The following DDX10 variants were observed in gnomAD, a reference collection of about 807,000 sequenced individuals.
The protein encoded by DDX10 is probable ATP-dependent RNA helicase DDX10.
A neutral mutation model predicts 104.3 loss-of-function variants in DDX10; 74 were observed. The ratio of observed to expected loss-of-function variants is 0.71; its 90% CI spans 0.59 to 0.86. The LOEUF is 0.86. Ranked by LOEUF, DDX10 falls within the 40% of genes least tolerant of loss-of-function variation. The pLI, the probability that DDX10 is intolerant of heterozygous loss-of-function variation, is 0.00. For missense variants in DDX10, 952 were observed against 1,040.0 expected (o/e 0.92, Z 1.16); for synonymous variants, 351 against 353.4 (o/e 0.99, Z 0.08).
intron 13 of DDX10, chr11:108,729,834 G>T (rs548880962): frequency 1.2e-4 from 19 of 152,258 alleles, no homozygotes; most frequent in African/African-American, 3.6e-4. Context: ...GTACACCAGA[G>T]AGGAGATTTG....
Position 108,852,194 on chromosome 11 carries a change from CAA to C in DDX10, c.2290_2291del (p.Lys764GlufsTer8). On this transcript the variant is annotated frameshift_variant, in exon 16 of 18. Transcript: ENST00000322536. LOFTEE classifies it high-confidence loss of function. ...AAAGGGAAGCCAGAAGAGAAGCCAA[CAA>C]GAGACAAGCAAAGGTAAGGGTTTAT... Reference protein sequence around the residue: ...KEREARREANKRQAKAKDEEE... With the variant: ...KEREARREANXRQAKAKDEEE... 6.2e-7 allele frequency: 1 copy of C among 1,611,138 alleles called. No individual in the cohort carries two copies. Among genetic ancestry groups the C allele is most frequent in the Non-Finnish European group, 8.5e-7 (1 of 1,178,222 alleles).
At chr11:108,928,944 A>G (rs907100197) in intron 17 of DDX10, among the ~76,000 whole-genome samples, 1 of 152,220 alleles carries the variant, frequency 6.6e-6, no homozygotes, top group African/African-American at 2.4e-5. Context: ...TATATTCAAA[A>G]CAGTTTGCAA....
intron 10 of DDX10, among the ~76,000 whole-genome samples, chr11:108,714,528 CTTTTTT>C (rs11355789): frequency 7.0e-6 from 1 of 142,186 alleles, no homozygotes; most frequent in South Asian, 2.2e-4. Flanking sequence ...AAGTCTGACT[CTTTTTT>C]TTTTTTTTTT....
intron 6 of DDX10, among the ~76,000 whole-genome samples, chr11:108,685,180 C>T (rs540895866): frequency 5.9e-5 from 9 of 151,792 alleles, no homozygotes; most frequent in South Asian, 4.2e-4. Context: ...TAGCAATCAG[C>T]GCGATTCCGT....
chr11:108,747,998 A>G (rs1291101605), intron 13 of DDX10, among the ~76,000 whole-genome samples: 2 of 152,192 alleles, frequency 1.3e-5, no homozygotes, highest in East Asian at 1.9e-4. Context: ...AAAATAAGCT[A>G]ATAGACTGAT....
chr11:108,749,504 G>T (rs2094335893), intron 13 of DDX10, among the ~76,000 whole-genome samples: 1 of 152,116 alleles, frequency 6.6e-6, no homozygotes. Context: ...TACACTTAAA[G>T]AAATCATATA....
intron 15 of DDX10, among the ~76,000 whole-genome samples, chr11:108,846,668 A>G (rs1235631585): frequency 6.6e-6 from 1 of 152,170 alleles, no homozygotes; most frequent in African/African-American, 2.4e-5. Context: ...TATTTAATCC[A>G]TTGTTTGTTG....
intron 7 of DDX10, chr11:108,690,251 ATTTAAAGTTCTG>A (rs2094250346): frequency 6.6e-6 from 1 of 152,340 alleles, no homozygotes; most frequent in Non-Finnish European, 1.5e-5. Context: ...TGAAAGTTCT[ATTTAAAGTTCTG>A]TTTAAAGTTT....
intron 15 of DDX10, among the ~76,000 whole-genome samples, chr11:108,845,720 T>C (rs1862707600): frequency 6.6e-6 from 1 of 152,226 alleles, no homozygotes; most frequent in Non-Finnish European, 1.5e-5. Context: ...TTTCTTTTAA[T>C]GTATATTAAT....
chr11:108,797,286 C>T (rs1447150393), intron 13 of DDX10, among the ~76,000 whole-genome samples: 1 of 152,152 alleles, frequency 6.6e-6, no homozygotes, highest in African/African-American at 2.4e-5. Context: ...TCTGCCTCGG[C>T]CTCCCAAAGT....
At chr11:108,692,190 CTAACAT>C (rs1221040060) in intron 8 of DDX10, 152 bp downstream of exon 8, 52 of 660,548 alleles carry the variant, frequency 7.9e-5, no homozygotes, top group Non-Finnish European at 1.2e-4. Context: ...TAGCAGTTGA[CTAACAT>C]TAAGGATGTA....
At position 108,691,904 on chromosome 11, in the gene DDX10, G is replaced by A. The variant is rs776492184; in HGVS notation, c.1004G>A (p.Arg335Gln). The A allele has an allele frequency of 1.2e-6, 2 of 1,613,874 alleles. No individual in the cohort carries two copies. The highest frequency in any genetic ancestry group is 1.7e-6 in the Non-Finnish European group (2 of 1,179,928). ...EVQYLYRVFC[R>Q]LRPGVSILAL... The stretch of plus-strand genomic sequence containing the variant: ...CAGTATCTGTACCGAGTGTTTTGCC[G>A]GCTACGTCCTGGTGTTTCTATCCTT... Residue 335 changes from arginine (R) to glutamine (Q), a missense_variant, in exon 8 of 18, where the codon CGG (arginine) becomes CAG (glutamine). Arg to Gln is a conservative substitution (Grantham distance 43, BLOSUM62 1). This residue lies in a region of DDX10 where 412 missense variants were observed against 479.2 expected (regional missense o/e 0.86). Coordinates refer to ENST00000322536, the MANE Select transcript of DDX10 (RefSeq NM_004398.4).
chr11:108,774,369 T>C (rs1306360108), intron 13 of DDX10, among the ~76,000 whole-genome samples: 1 of 152,284 alleles, frequency 6.6e-6, no homozygotes, highest in African/African-American at 2.4e-5. Flanking sequence ...GTATACCATT[T>C]TGTTAACATC....
chr11:108,781,765 T>C (rs1007104550), intron 13 of DDX10, among the ~76,000 whole-genome samples: 9 of 152,084 alleles, frequency 5.9e-5, no homozygotes. Context: ...CTTTCTTGGA[T>C]GAACAATTTG....
chr11:108,728,501 G>GTTTTT (rs1565260503), intron 13 of DDX10, among the ~76,000 whole-genome samples: 1 of 66,884 alleles, frequency 1.5e-5, no homozygotes, highest in African/African-American at 8.0e-5. Flanking sequence ...ATACACATTT[G>GTTTTT]TTCTTTTTTT....
At chr11:108,867,520 C>G (rs528604559) in intron 16 of DDX10, among the ~76,000 whole-genome samples, 1 of 152,118 alleles carries the variant, frequency 6.6e-6, no homozygotes, top group Non-Finnish European at 1.5e-5. Context: ...TAGTCAAGAA[C>G]CTGGAAGTGA....
chr11:108,740,675 A>G (rs2134494976), intron 13 of DDX10, among the ~76,000 whole-genome samples: 2 of 151,856 alleles, frequency 1.3e-5, no homozygotes, highest in African/African-American at 2.4e-5. Flanking sequence ...TTTAATCTCC[A>G]TTTTGACTGT....
At chr11:108,847,328 C>T (rs1021615375) in intron 15 of DDX10, among the ~76,000 whole-genome samples, 2 of 152,162 alleles carry the variant, frequency 1.3e-5, no homozygotes, top group African/African-American at 2.4e-5. Flanking sequence ...TGTGTTGTGT[C>T]ATCATTCTTA....
chr11:108,836,868 T>C (rs943324585), intron 13 of DDX10, among the ~76,000 whole-genome samples: 7 of 152,192 alleles, frequency 4.6e-5, no homozygotes, highest in Non-Finnish European at 7.4e-5. Flanking sequence ...TTTTTGTGTG[T>C]ACTTACTACC....
Sources: allele counts gnomAD v4.1 joint callset (sites outside exome capture counted in the v4.1 genomes callset), GRCh38; gene constraint gnomAD v4.1.1; regional missense constraint gnomAD v4.1.1; transcripts MANE v1.5; gene names NCBI Gene and HGNC (gene_info 2026-07-23, HGNC 2026-07-21).